Variants in ATP1A2 observed in about 807,000 individuals in gnomAD.
The protein encoded by ATP1A2 is sodium/potassium-transporting ATPase subunit alpha-2.
In ATP1A2, 56 loss-of-function variants were observed where a neutral mutation model predicts 113.1. That is an observed-to-expected ratio of 0.49 (90% CI 0.40 to 0.62). ATP1A2 has a LOEUF of 0.62. Among genes scored for constraint, ATP1A2 ranks in the 20% least tolerant of loss-of-function variants. The probability of loss-of-function intolerance (pLI) is 0.00; values close to 1 mark genes in which losing one functional copy is unlikely to be tolerated. For synonymous variants in ATP1A2, 490 were observed against 526.8 expected (o/e 0.93, Z 0.96); for missense variants, 712 against 1,357.8 (o/e 0.52, Z 7.47).
Position 160,123,199 on chromosome 1 carries a change from C to T in ATP1A2, c.178-14C>T. On this transcript the variant is annotated splice_polypyrimidine_tract_variant and intron_variant, in intron 3 of 22. Coordinates refer to ENST00000361216, the MANE Select transcript of ATP1A2 (RefSeq NM_000702.4). ...TCCGGATGCGTGCCCCTACGCCTCT[C>T]CTTGCTCCCTCAGGGCCTCACCAAC... The T allele has an allele frequency of 3.7e-6, 6 of 1,614,030 alleles. No individual in the cohort carries two copies. The highest frequency in any genetic ancestry group is 1.7e-5 in the Admixed American group (1 of 60,020).
At chr1:160,122,424 A>G (rs1275174022) in intron 3 of ATP1A2, among the ~76,000 whole-genome samples, 1 of 151,748 alleles carries the variant, frequency 6.6e-6, no homozygotes, top group Non-Finnish European at 1.5e-5. Flanking sequence ...ATGAATGAAA[A>G]AAAAAAAAAA....
Position 160,115,937 on chromosome 1 carries a change from G to GA in ATP1A2, c.12+66dup, listed in dbSNP as rs1651162652. Reference sequence around the variant, plus strand: ...GTGAGGGAGGCTGCTGAGGAAGGATGAAGTGGGAATGGGATGTGGAAGGAG... The same window carrying GA: ...GTGAGGGAGGCTGCTGAGGAAGGATGAAAGTGGGAATGGGATGTGGAAGGAG... On this transcript the variant is annotated intron_variant, in intron 1 of 22. Transcript: ENST00000361216. 4 of 1,576,646 alleles carry GA rather than the reference G, an allele frequency of 2.5e-6. No homozygotes were observed. In the South Asian group the frequency reaches 3.5e-5, roughly 14 times the overall value.
At chr1:160,140,243 A>G (rs1652093999) in intron 22 of ATP1A2, among the ~76,000 whole-genome samples, 2 of 152,092 alleles carry the variant, frequency 1.3e-5, no homozygotes, top group Admixed American at 1.3e-4. Flanking sequence ...ACCACAGAAC[A>G]TCAGAATTAG....
At chr1:160,138,178 C>T (rs963499503) in intron 20 of ATP1A2, among the ~76,000 whole-genome samples, 1 of 152,206 alleles carries the variant, frequency 6.6e-6, no homozygotes, top group African/African-American at 2.4e-5. Context: ...CCACAGGCCT[C>T]ACCTTAGGTC....
chr1:160,138,117 A>G (rs1652014641), intron 20 of ATP1A2, among the ~76,000 whole-genome samples: 1 of 152,224 alleles, frequency 6.6e-6, no homozygotes, highest in Admixed American at 6.5e-5. Flanking sequence ...GCAAATGGGA[A>G]AAATGGCAAA....
intron 13 of ATP1A2, among the ~76,000 whole-genome samples, chr1:160,131,958 T>G (rs2101991861): frequency 6.6e-6 from 1 of 152,328 alleles, no homozygotes; most frequent in Middle Eastern, 3.4e-3. Context: ...AAGCCTGAGC[T>G]CCTGCTGCTT....
Position 160,139,621 on chromosome 1 carries a change from T to A in ATP1A2, c.2841-19T>A. 1 of 1,608,280 alleles carries A rather than the reference T, an allele frequency of 6.2e-7. No homozygotes were observed. Among genetic ancestry groups the A allele is most frequent in the Non-Finnish European group, 8.5e-7 (1 of 1,175,634 alleles). On this transcript the variant is annotated intron_variant, in intron 20 of 22. Coordinates refer to ENST00000361216, the MANE Select transcript of ATP1A2 (RefSeq NM_000702.4). ...CCATGATCCCCCTTCACCTGCCACC[T>A]CCTTTCTTTGCCTTTCAGGAACAAG...
rs150989269 is a variant in ATP1A2 at position 160,137,214 on chromosome 1, C to T, written c.2840+183C>T. ...AAGAGAGAAGCCATGCTTCAGGCTCCTAATTTTGCATTTTGTTATTGTCTC... is the reference window on the plus strand; with the variant it reads ...AAGAGAGAAGCCATGCTTCAGGCTCTTAATTTTGCATTTTGTTATTGTCTC... On this transcript the variant is annotated intron_variant, in intron 20 of 22. Coordinates refer to ENST00000361216, the MANE Select transcript of ATP1A2 (RefSeq NM_000702.4). 62 of 999,474 alleles carry T rather than the reference C, an allele frequency of 6.2e-5. No homozygotes were observed. The African/African-American group carries it at 7.0e-4, about 11-fold the overall frequency. 61.9% of individuals were successfully genotyped at this position (999,474 alleles called of 1,614,324 possible).
At chr1:160,121,414 C>T in intron 3 of ATP1A2, 163 bp downstream of exon 3, 1 of 815,460 alleles carries the variant, frequency 1.2e-6, no homozygotes, top group Non-Finnish European at 2.0e-6. Flanking sequence ...GTTGGTGGCA[C>T]AGCCAGAACT....
At chr1:160,129,135 A>AG in intron 10 of ATP1A2, 46 bp downstream of exon 10, 1 of 1,508,504 alleles carries the variant, frequency 6.6e-7, no homozygotes, top group Non-Finnish European at 8.9e-7. Flanking sequence ...GGGTGTCTCC[A>AG]AAGCCTCTTG....
chr1:160,130,367 G>C, intron 12 of ATP1A2, 55 bp from the exon 13 acceptor site: 2 of 1,614,054 alleles, frequency 1.2e-6, no homozygotes, highest in Non-Finnish European at 8.5e-7. Flanking sequence ...GGGACTGTGG[G>C]GGCGTCCAGG....
chr1:160,124,247 G>A, intron 5 of ATP1A2, 49 bp from the exon 6 acceptor site: 1 of 1,564,206 alleles, frequency 6.4e-7, no homozygotes, highest in Non-Finnish European at 8.7e-7. Flanking sequence ...AGGAGAAGAA[G>A]GCAGGGGCAG....
intron 3 of ATP1A2, among the ~76,000 whole-genome samples, chr1:160,122,948 T>C (rs1651463129): frequency 6.6e-6 from 1 of 152,148 alleles, no homozygotes; most frequent in African/African-American, 2.4e-5. Context: ...GGAGATGTTA[T>C]GGCCCTAACC....
At chr1:160,137,269 TCCC>T in intron 20 of ATP1A2, 15 of 586,100 alleles carry the variant, frequency 2.6e-5, no homozygotes, top group Admixed American at 1.2e-4. Flanking sequence ...CTTCTCTCCC[TCCC>T]TTCTTTCCCC....
At chr1:160,121,950 G>A (rs9661252) in intron 3 of ATP1A2, among the ~76,000 whole-genome samples, 26,321 of 152,082 alleles carry the variant, frequency 0.17, 2,455 homozygotes, top group South Asian at 0.32. Flanking sequence ...TGGGCAACAT[G>A]GCAAAACCCC....
At chr1:160,117,687 A>G (rs1298198760) in intron 1 of ATP1A2, among the ~76,000 whole-genome samples, 1 of 152,130 alleles carries the variant, frequency 6.6e-6, no homozygotes, top group Non-Finnish European at 1.5e-5. Context: ...TCTCCCCTGC[A>G]TCTCCACTGC....
chr1:160,139,602 T>TC (rs1207002397), intron 20 of ATP1A2, 38 bp from the exon 21 acceptor site: 1 of 1,584,834 alleles, frequency 6.3e-7, no homozygotes, highest in Non-Finnish European at 8.7e-7. Flanking sequence ...GCCTCCATGA[T>TC]CCCCCTTCAC....
chr1:160,126,159 C>T (rs1398027622), intron 7 of ATP1A2, among the ~76,000 whole-genome samples: 1 of 152,100 alleles, frequency 6.6e-6, no homozygotes, highest in Non-Finnish European at 1.5e-5. Context: ...GGTTCCAGGA[C>T]CCCCTTCGTT....
rs747490942 is a variant in ATP1A2 at position 160,129,418 on chromosome 1, G to A, written c.1461+18G>A. On this transcript the variant is annotated intron_variant, in intron 11 of 22. Coordinates refer to ENST00000361216, the MANE Select transcript of ATP1A2 (RefSeq NM_000702.4). The stretch of plus-strand genomic sequence containing the variant: ...AGTACCAGGTCTGCTTGGGTTGCCA[G>A]GACAGAGGAAGAGAGAGGGATATAA... 5.0e-6 allele frequency: 8 copies of A among 1,610,810 alleles called. No homozygotes were observed. Among genetic ancestry groups the A allele is most frequent in the African/African-American group, 1.3e-5 (1 of 74,900 alleles).
Sources: allele counts gnomAD v4.1 joint callset (sites outside exome capture counted in the v4.1 genomes callset), GRCh38; gene constraint gnomAD v4.1.1; transcripts MANE v1.5; gene names NCBI Gene and HGNC (gene_info 2026-07-23, HGNC 2026-07-21).